EPSTI1: variants seen among roughly 807,000 people sequenced by gnomAD.
EPSTI1 encodes epithelial stromal interaction 1.
In EPSTI1, 66 loss-of-function variants were observed where a neutral mutation model predicts 49.9. The ratio of observed to expected loss-of-function variants is 1.32; its 90% CI spans 1.08 to 1.62. EPSTI1 has a LOEUF of 1.62. Ranked by LOEUF, EPSTI1 falls within the 40% of genes most tolerant of loss-of-function variation. EPSTI1 has a pLI of 0.00. For missense variants in EPSTI1, 394 were observed against 365.5 expected, an observed-to-expected ratio of 1.08 and a Z score of -0.64; for synonymous variants, 137 against 130.7, an observed-to-expected ratio of 1.05 and a Z score of -0.33.
At chr13:42,929,902 T>C (rs2153422562) in intron 6 of EPSTI1, among the ~76,000 whole-genome samples, 1 of 152,260 alleles carries the variant, frequency 6.6e-6, no homozygotes, top group African/African-American at 2.4e-5. Context: ...AGAACAATAG[T>C]TTCCAGAATG....
intron 8 of EPSTI1, among the ~76,000 whole-genome samples, chr13:42,905,974 T>A (rs1260006113): frequency 6.6e-6 from 1 of 152,230 alleles, no homozygotes; most frequent in African/African-American, 2.4e-5. Flanking sequence ...GGTGATATGA[T>A]AAACAAAATA....
intron 1 of EPSTI1, among the ~76,000 whole-genome samples, chr13:42,989,706 G>A (rs2040159420): frequency 6.6e-6 from 1 of 151,082 alleles, no homozygotes; most frequent in African/African-American, 2.4e-5. Context: ...CCATTCTCCT[G>A]CCTCAGCCTC....
In EPSTI1 at chr13:42,931,690, T is replaced by C. The variant is rs529627563; in HGVS notation, c.564-5261A>G. On this transcript the variant is annotated intron_variant, in intron 6 of 10. Transcript: ENST00000313624. ...ACTTTTTTCTTTAAGTGGGATACTA[T>C]ATTTTGTTCTGAAAATAGATTTTTG... is the stretch of plus-strand genomic sequence containing the variant. 3.3e-5 allele frequency among the ~76,000 whole-genome samples: 5 copies of C among 152,336 alleles called. No homozygotes were observed. In the South Asian group the frequency reaches 8.3e-4, roughly 25 times the overall value.
chr13:42,927,340 G>T (rs763882857), intron 6 of EPSTI1, among the ~76,000 whole-genome samples: 1 of 152,100 alleles, frequency 6.6e-6, no homozygotes, highest in Admixed American at 6.5e-5. Flanking sequence ...CTTTTCTCAT[G>T]TAATTTGTGT....
chr13:42,941,734 T>G (rs1289411929), intron 6 of EPSTI1, among the ~76,000 whole-genome samples: 4 of 146,718 alleles, frequency 2.7e-5, no homozygotes, highest in Middle Eastern at 3.5e-3. Flanking sequence ...ATTTGGGGTG[T>G]TTTTTTTTTG....
At chr13:42,890,590 T>G (rs1036204234) in intron 10 of EPSTI1, among the ~76,000 whole-genome samples, 3 of 152,168 alleles carry the variant, frequency 2.0e-5, no homozygotes, top group South Asian at 4.1e-4. Flanking sequence ...GAGCTACCGC[T>G]CCCGGCTAAT....
intron 1 of EPSTI1, among the ~76,000 whole-genome samples, chr13:42,973,591 TGTGTCA>T (rs1305580108): frequency 6.6e-6 from 1 of 152,250 alleles, no homozygotes; most frequent in Non-Finnish European, 1.5e-5. Flanking sequence ...TTTAATATCA[TGTGTCA>T]GAGTGTAATG....
chr13:42,958,945 C>A (rs2039360312), intron 5 of EPSTI1, among the ~76,000 whole-genome samples: 1 of 152,110 alleles, frequency 6.6e-6, no homozygotes, highest in South Asian at 2.1e-4. Context: ...ATAATTGAAC[C>A]CATCCAATTC....
chr13:42,934,138 A>G (rs1009575751), intron 6 of EPSTI1: 7 of 176,418 alleles, frequency 4.0e-5, no homozygotes, highest in African/African-American at 1.7e-4. Context: ...GTCAAAAGCT[A>G]GTTCTCCTGT....
intron 8 of EPSTI1, among the ~76,000 whole-genome samples, chr13:42,914,747 G>A (rs575054089): frequency 9.7e-4 from 147 of 152,308 alleles, no homozygotes; most frequent in African/African-American, 3.4e-3. Context: ...AGAATGGTAA[G>A]ATGAGATGAG....
chr13:42,944,781 T>C (rs1420532306), intron 6 of EPSTI1, among the ~76,000 whole-genome samples: 2 of 152,222 alleles, frequency 1.3e-5, no homozygotes, highest in Non-Finnish European at 2.9e-5. Context: ...ACTGTGACTA[T>C]AATAGCTCAT....
At chr13:42,916,397 C>A (rs576936642) in intron 8 of EPSTI1, among the ~76,000 whole-genome samples, 2 of 151,986 alleles carry the variant, frequency 1.3e-5, no homozygotes, top group Non-Finnish European at 2.9e-5. Context: ...CCTATGGTGC[C>A]CAAAACAGCC....
chr13:42,953,387 G>T (rs1437812776), intron 6 of EPSTI1, among the ~76,000 whole-genome samples: 1 of 152,132 alleles, frequency 6.6e-6, no homozygotes. Flanking sequence ...TATCCTTAAA[G>T]CCTACATAAC....
At chr13:42,919,916 A>G (rs1005120796) in intron 7 of EPSTI1, among the ~76,000 whole-genome samples, 3 of 152,340 alleles carry the variant, frequency 2.0e-5, no homozygotes, top group Middle Eastern at 3.4e-3. Context: ...CTAGAAGTCC[A>G]AAATCAAGGT....
intron 10 of EPSTI1, among the ~76,000 whole-genome samples, chr13:42,892,345 C>G (rs571601763): frequency 6.6e-6 from 1 of 152,286 alleles, no homozygotes; most frequent in South Asian, 2.1e-4. Context: ...GTAAGGAAAC[C>G]ATCTAGGAGA....
intron 10 of EPSTI1, among the ~76,000 whole-genome samples, chr13:42,890,456 C>T (rs1460882972): frequency 6.6e-6 from 1 of 151,996 alleles, no homozygotes; most frequent in Admixed American, 6.5e-5. Flanking sequence ...CGCCACCACG[C>T]CCGGCTAATA....
intron 5 of EPSTI1, among the ~76,000 whole-genome samples, chr13:42,956,541 G>A (rs1594723424): frequency 6.6e-6 from 1 of 152,306 alleles, no homozygotes; most frequent in East Asian, 1.9e-4. Context: ...CCAGTGTTCA[G>A]CTCACCAAGA....
intron 6 of EPSTI1, among the ~76,000 whole-genome samples, chr13:42,943,398 CT>C: frequency 6.6e-6 from 1 of 152,318 alleles, no homozygotes; most frequent in South Asian, 2.1e-4. Flanking sequence ...TTCAGCGTCT[CT>C]TTCCAAACAC....
intron 9 of EPSTI1, among the ~76,000 whole-genome samples, chr13:42,895,370 G>T (rs1351844940): frequency 6.6e-6 from 1 of 152,222 alleles, no homozygotes; most frequent in Non-Finnish European, 1.5e-5. Flanking sequence ...TCTCCTGCCA[G>T]TTCAGCAAGA....
Sources: gnomAD v4.1 joint callset for allele counts (sites outside exome capture counted in the v4.1 genomes callset) on GRCh38, gnomAD v4.1.1 for gene constraint, MANE v1.5 for transcripts, NCBI Gene and HGNC (gene_info 2026-07-23, HGNC 2026-07-21) for gene names.